Variants in WNT7A observed in about 807,000 individuals in gnomAD.
The protein encoded by WNT7A is Wnt family member 7A.
WNT7A carries 16 observed loss-of-function variants against 28.2 expected under a neutral mutation model. The ratio of observed to expected loss-of-function variants is 0.57; its 90% CI spans 0.38 to 0.86. WNT7A has a LOEUF of 0.86. Ranked by LOEUF, WNT7A falls within the 40% of genes least tolerant of loss-of-function variation. The probability of loss-of-function intolerance (pLI) is 0.00; values close to 1 mark genes in which losing one functional copy is unlikely to be tolerated. For synonymous variants in WNT7A, 190 were observed against 195.9 expected (o/e 0.97, Z 0.25); for missense variants, 411 against 489.7 (o/e 0.84, Z 1.52).
intron 3 of WNT7A, among the ~76,000 whole-genome samples, chr3:13,832,638 G>C (rs1167216425): frequency 6.8e-6 from 1 of 146,482 alleles, no homozygotes; most frequent in Admixed American, 6.8e-5. Flanking sequence ...TCAGATGAAA[G>C]AGCAGAAAAA....
chr3:13,831,186 T>C (rs1239233006), intron 3 of WNT7A, among the ~76,000 whole-genome samples: 1 of 152,204 alleles, frequency 6.6e-6, no homozygotes, highest in Non-Finnish European at 1.5e-5. Flanking sequence ...CCTACGTGTA[T>C]GCCCAAACCT....
intron 3 of WNT7A, among the ~76,000 whole-genome samples, chr3:13,834,494 T>C (rs1429400889): frequency 6.6e-6 from 1 of 151,994 alleles, no homozygotes; most frequent in African/African-American, 2.4e-5. Flanking sequence ...TTTCCCTCTG[T>C]CCTCCAGGCA....
intron 1 of WNT7A, 91 bp from the exon 2 acceptor site, chr3:13,875,264 C>T (rs1163140297): frequency 1.5e-6 from 2 of 1,356,580 alleles, no homozygotes; most frequent in East Asian, 4.8e-5. Context: ...CTGGCCACCC[C>T]ACTGCCCCCA....
Position 13,879,840 on chromosome 3 carries a change from G to C in WNT7A, c.-24C>G. On this transcript the variant is annotated 5_prime_UTR_variant, in exon 1 of 4. Coordinates refer to ENST00000285018, the MANE Select transcript of WNT7A (RefSeq NM_004625.4). ...ATAGTCCCGATTGGCCGCCGGGGCC[G>C]CGGGCCGGGCTGTGCTGATCCCGCG... 2 of 1,604,570 alleles carry C rather than the reference G, an allele frequency of 1.2e-6. No individual in the cohort carries two copies. Among genetic ancestry groups the C allele is most frequent in the Non-Finnish European group, 1.7e-6 (2 of 1,175,382 alleles).
intron 3 of WNT7A, among the ~76,000 whole-genome samples, chr3:13,829,472 G>A (rs986191794): frequency 6.6e-6 from 1 of 152,200 alleles, no homozygotes; most frequent in Non-Finnish European, 1.5e-5. Context: ...CGCCCAGCCT[G>A]TGGGAACTTT....
intron 3 of WNT7A, among the ~76,000 whole-genome samples, chr3:13,833,636 G>A (rs768570210): frequency 1.3e-5 from 2 of 152,220 alleles, no homozygotes; most frequent in South Asian, 2.1e-4. Context: ...GGTTGACTAC[G>A]GGGCAGGGGT....
intron 3 of WNT7A, among the ~76,000 whole-genome samples, chr3:13,830,151 T>TC (rs1327782253): frequency 1.3e-5 from 2 of 151,588 alleles, no homozygotes. Flanking sequence ...CCAGCCACCC[T>TC]CCCCCAAGCA....
At position 13,818,621 on chromosome 3, in the gene WNT7A, A is replaced by AT. The variant is rs1271908916; in HGVS notation, c.*322dup. The AT allele has an allele frequency of 5.8e-6, 1 of 171,500 alleles. No individual in the cohort carries two copies. Among genetic ancestry groups the AT allele is most frequent in the South Asian group, 2.0e-4 (1 of 5,032 alleles). 10.6% of individuals were successfully genotyped at this position (171,500 alleles called of 1,614,324 possible). ...CTTTTTAATTAAATAAATTAATATT[A>AT]TTTTTATCAGAATAAATTGTTAAAT... On this transcript the variant is annotated 3_prime_UTR_variant, in exon 4 of 4. Transcript: ENST00000285018.
At chr3:13,829,487 A>G (rs555044024) in intron 3 of WNT7A, among the ~76,000 whole-genome samples, 1 of 152,240 alleles carries the variant, frequency 6.6e-6, no homozygotes, top group Non-Finnish European at 1.5e-5. Context: ...AACTTTTCTC[A>G]TTTTGAGCAG....
rs1694700005 is a variant in WNT7A at position 13,854,667 on chromosome 3, C to T, written c.435G>A (p.Glu145=). The T allele has an allele frequency of 6.2e-7, 1 of 1,614,062 alleles. No individual in the cohort carries two copies. The part of the protein sequence containing the change: ...KEKQGQYHRD[E]GWKWGGCSAD... ...CAGAGCAGCCACCCCACTTCCAGCC[C>T]TCGTCCCGGTGGTACTGGCCTTGCT... Residue 145 remains glutamate (E), a synonymous_variant, in exon 3 of 4, where the codon GAG becomes GAA. Transcript: ENST00000285018.
intron 2 of WNT7A, among the ~76,000 whole-genome samples, chr3:13,857,568 A>G (rs1301988178): frequency 6.6e-6 from 1 of 152,136 alleles, no homozygotes; most frequent in East Asian, 1.9e-4. Context: ...TGAGGCTCAA[A>G]TATATCCCCC....
At chr3:13,862,287 C>T (rs541377991) in intron 2 of WNT7A, among the ~76,000 whole-genome samples, 4 of 152,344 alleles carry the variant, frequency 2.6e-5, no homozygotes, top group South Asian at 2.1e-4. Context: ...ACGATCCCAG[C>T]GGGTACAGAG....
intron 2 of WNT7A, among the ~76,000 whole-genome samples, chr3:13,855,667 C>T (rs1694717327): frequency 6.6e-6 from 1 of 152,154 alleles, no homozygotes; most frequent in African/African-American, 2.4e-5. Context: ...CCTCAGTCTC[C>T]TCACCTGCAA....
At chr3:13,821,648 G>C (rs1694111398) in intron 3 of WNT7A, among the ~76,000 whole-genome samples, 1 of 152,236 alleles carries the variant, frequency 6.6e-6, no homozygotes, top group Non-Finnish European at 1.5e-5. Flanking sequence ...ACAGTGTGGA[G>C]GGACAGAAGC....
intron 2 of WNT7A, among the ~76,000 whole-genome samples, chr3:13,868,892 G>C (rs2124874539): frequency 6.8e-6 from 1 of 147,302 alleles, no homozygotes; most frequent in East Asian, 2.0e-4. Context: ...AGGAAGGAGG[G>C]AGGGAGGAAG....
chr3:13,819,832 T>C (rs903657196), intron 3 of WNT7A, among the ~76,000 whole-genome samples: 3 of 152,170 alleles, frequency 2.0e-5, no homozygotes, highest in Non-Finnish European at 4.4e-5. Context: ...GTTCAAGAAT[T>C]GAATGGCAGA....
intron 3 of WNT7A, among the ~76,000 whole-genome samples, chr3:13,835,527 G>C (rs1694353384): frequency 6.6e-6 from 1 of 152,238 alleles, no homozygotes; most frequent in Non-Finnish European, 1.5e-5. Flanking sequence ...TGGGGATGCA[G>C]AGCAATGGGA....
intron 3 of WNT7A, among the ~76,000 whole-genome samples, chr3:13,827,936 C>T (rs1304957593): frequency 2.0e-5 from 3 of 152,274 alleles, no homozygotes; most frequent in South Asian, 4.1e-4. Context: ...ACCCAGCCTT[C>T]TACAGCCCTC....
chr3:13,866,891 C>T (rs1029345894), intron 2 of WNT7A, among the ~76,000 whole-genome samples: 1 of 152,096 alleles, frequency 6.6e-6, no homozygotes, highest in African/African-American at 2.4e-5. Flanking sequence ...TGTCATTGTC[C>T]AGGCAACAAG....
Sources: allele counts gnomAD v4.1 joint callset (sites outside exome capture counted in the v4.1 genomes callset), GRCh38; gene constraint gnomAD v4.1.1; transcripts MANE v1.5; gene names NCBI Gene and HGNC (gene_info 2026-07-23, HGNC 2026-07-21).